The following SLCO2A1 variants were observed in gnomAD, a reference collection of about 807,000 sequenced individuals.
SLCO2A1 encodes the protein matrin F/G 1.
SLCO2A1 carries 60 observed loss-of-function variants against 71.7 expected under a neutral mutation model. That is an observed-to-expected ratio of 0.84 (90% CI 0.68 to 1.04). The LOEUF is 1.04. SLCO2A1 is among the 50% of genes least tolerant of loss of function. The probability of loss-of-function intolerance (pLI) is 0.00; values close to 1 mark genes in which losing one functional copy is unlikely to be tolerated. For missense variants in SLCO2A1, 745 were observed against 813.4 expected (o/e 0.92, Z 1.02); for synonymous variants, 308 against 326.7 (o/e 0.94, Z 0.62).
intron 3 of SLCO2A1, 171 bp from the exon 4 acceptor site, chr3:133,955,364 G>A: frequency 1.7e-6 from 1 of 596,546 alleles, no homozygotes; most frequent in Non-Finnish European, 3.0e-6. Flanking sequence ...TGTCTGGCCA[G>A]CAGGAGGGAC....
intron 1 of SLCO2A1, among the ~76,000 whole-genome samples, chr3:134,002,804 C>A (rs1202456824): frequency 1.3e-5 from 2 of 152,220 alleles, no homozygotes; most frequent in Admixed American, 6.5e-5. Flanking sequence ...TCTTCCTGAG[C>A]TCTAACCTAA....
At chr3:133,976,036 T>C (rs1439006415) in intron 2 of SLCO2A1, among the ~76,000 whole-genome samples, 1 of 152,250 alleles carries the variant, frequency 6.6e-6, no homozygotes, top group Non-Finnish European at 1.5e-5. Flanking sequence ...CCTAGAACAG[T>C]GCCTAATACT....
intron 3 of SLCO2A1, among the ~76,000 whole-genome samples, chr3:133,972,635 G>A (rs1934351539): frequency 6.6e-6 from 1 of 152,094 alleles, no homozygotes; most frequent in South Asian, 2.1e-4. Context: ...AATAGAACTA[G>A]AGAAAAAACA....
chr3:133,959,127 G>A (rs1933968935), intron 3 of SLCO2A1, among the ~76,000 whole-genome samples: 1 of 152,186 alleles, frequency 6.6e-6, no homozygotes, highest in Non-Finnish European at 1.5e-5. Context: ...CTGCGTCACA[G>A]GGGAAAAGGA....
chr3:133,989,600 T>C (rs147108867), intron 1 of SLCO2A1, among the ~76,000 whole-genome samples: 239 of 152,362 alleles, frequency 1.6e-3, no homozygotes, highest in African/African-American at 5.4e-3. Context: ...TGAATCAGTG[T>C]AACATGTGCA....
intron 3 of SLCO2A1, among the ~76,000 whole-genome samples, chr3:133,972,192 C>G (rs1559941138): frequency 6.6e-6 from 1 of 152,112 alleles, no homozygotes; most frequent in Non-Finnish European, 1.5e-5. Context: ...ATTTGAACAA[C>G]TATTATAAGA....
chr3:133,968,818 G>A (rs931626366), intron 3 of SLCO2A1, among the ~76,000 whole-genome samples: 4 of 152,204 alleles, frequency 2.6e-5, no homozygotes, highest in Non-Finnish European at 5.9e-5. Flanking sequence ...TGGTCTTAGA[G>A]GCTTTGGCTG....
rs1933215017 is a variant in SLCO2A1 at position 133,934,459 on chromosome 3, TG to T, written c.*253del. ...CAACACTGAAGTGAGCCTGGGCATC[TG>T]GGGGCCTCTTCCAAGGGGCCAGGGA... On this transcript the variant is annotated 3_prime_UTR_variant, in exon 14 of 14. Transcript: ENST00000310926. The T allele has an allele frequency of 2.8e-6, 1 of 358,666 alleles. No individual in the cohort carries two copies. Among genetic ancestry groups the T allele is most frequent in the South Asian group, 4.1e-5 (1 of 24,278 alleles). 22.2% of individuals were successfully genotyped at this position (358,666 alleles called of 1,614,324 possible). A position where few individuals can be genotyped will look rare whatever the true frequency, so the allele number is the denominator to read the frequency against.
intron 1 of SLCO2A1, among the ~76,000 whole-genome samples, chr3:134,011,782 T>C (rs1303909116): frequency 6.6e-6 from 1 of 152,222 alleles, no homozygotes; most frequent in Non-Finnish European, 1.5e-5. Context: ...AGAGAGATGT[T>C]GTCCTTTTAG....
chr3:133,978,678 C>A (rs981238938), intron 2 of SLCO2A1, among the ~76,000 whole-genome samples: 3 of 152,094 alleles, frequency 2.0e-5, no homozygotes, highest in African/African-American at 4.8e-5. Context: ...GGGAAGGGAC[C>A]ACTGCCTGCC....
intron 1 of SLCO2A1, among the ~76,000 whole-genome samples, chr3:134,013,914 C>A (rs1030070088): frequency 1.3e-5 from 2 of 152,064 alleles, no homozygotes; most frequent in East Asian, 3.9e-4. Context: ...CCTTGTCCTA[C>A]CCCTACATGG....
In SLCO2A1 at chr3:133,980,920, C is replaced by T. The variant is rs561004790; in HGVS notation, c.97-1302G>A. On this transcript the variant is annotated intron_variant, in intron 1 of 13. Coordinates refer to ENST00000310926, the MANE Select transcript of SLCO2A1 (RefSeq NM_005630.3). ...GAACCTGTGTGGCCACCCCACTCCT[C>T]CCAGGTGGTAGAAGGAAGCCTGCCT... Among the ~76,000 whole-genome samples the T allele has an allele frequency of 1.2e-3, 189 of 152,226 alleles. 2 individuals carry two copies. Among genetic ancestry groups the T allele is most frequent in the Non-Finnish European group, 2.1e-3 (143 of 68,020 alleles).
At chr3:133,979,392 T>A in intron 2 of SLCO2A1, 89 bp downstream of exon 2, 1 of 1,540,782 alleles carries the variant, frequency 6.5e-7, no homozygotes, top group South Asian at 1.1e-5. Context: ...TATGTGCACA[T>A]CTCAGCCCCC....
chr3:133,980,311 G>T (rs1245896795), intron 1 of SLCO2A1, among the ~76,000 whole-genome samples: 1 of 152,262 alleles, frequency 6.6e-6, no homozygotes, highest in Non-Finnish European at 1.5e-5. Flanking sequence ...CCCCAGGGAA[G>T]GGGCCAAGGC....
At chr3:134,020,504 T>C (rs1935550978) in intron 1 of SLCO2A1, among the ~76,000 whole-genome samples, 1 of 152,202 alleles carries the variant, frequency 6.6e-6, no homozygotes, top group African/African-American at 2.4e-5. Context: ...GTGGGACGCC[T>C]TGCCAGGGCA....
intron 1 of SLCO2A1, among the ~76,000 whole-genome samples, chr3:134,029,151 A>G (rs1316431301): frequency 6.6e-6 from 1 of 152,118 alleles, no homozygotes; most frequent in East Asian, 1.9e-4. Flanking sequence ...CGGCACAGCC[A>G]GGTAGCAGAG....
intron 1 of SLCO2A1, among the ~76,000 whole-genome samples, chr3:134,024,555 G>C (rs1935658924): frequency 6.6e-6 from 1 of 152,206 alleles, no homozygotes; most frequent in Non-Finnish European, 1.5e-5. Context: ...AATGGCAGTT[G>C]GAGTTTTAAC....
chr3:133,935,921 T>C, intron 12 of SLCO2A1, 24 bp from the exon 13 acceptor site: 1 of 1,557,464 alleles, frequency 6.4e-7, no homozygotes, highest in Non-Finnish European at 8.7e-7. Context: ...CAGAAAGCCC[T>C]GGTCAGGTGG....
At chr3:133,956,382 C>T (rs1047806347) in intron 3 of SLCO2A1, among the ~76,000 whole-genome samples, 1 of 152,200 alleles carries the variant, frequency 6.6e-6, no homozygotes, top group African/African-American at 2.4e-5. Flanking sequence ...CACGCCTCGT[C>T]CAGCCTGGCC....
Sources: allele counts gnomAD v4.1 joint callset (sites outside exome capture counted in the v4.1 genomes callset), GRCh38; gene constraint gnomAD v4.1.1; transcripts MANE v1.5; gene names NCBI Gene and HGNC (gene_info 2026-07-23, HGNC 2026-07-21).